Variants in VEPH1 observed in about 807,000 individuals in gnomAD.
VEPH1 encodes the protein ventricular zone-expressed PH domain-containing protein homolog 1.
VEPH1 carries 80 observed loss-of-function variants against 85.2 expected under a neutral mutation model. The ratio of observed to expected loss-of-function variants is 0.94; its 90% confidence interval spans 0.78 to 1.13. The LOEUF is 1.13. Among genes scored for constraint, VEPH1 ranks in the 50% most tolerant of loss-of-function variants. The pLI is 0.00. For synonymous variants in VEPH1, 297 were observed against 348.0 expected, an observed-to-expected ratio of 0.85 and a Z score of 1.63; for missense variants, 955 against 980.5, an observed-to-expected ratio of 0.97 and a Z score of 0.35.
intron 7 of VEPH1, among the ~76,000 whole-genome samples, chr3:157,379,845 G>A (rs915049077): frequency 6.6e-6 from 1 of 152,084 alleles, no homozygotes; most frequent in African/African-American, 2.4e-5. Context: ...TGTAACATTG[G>A]GAAGATATTT....
intron 11 of VEPH1, among the ~76,000 whole-genome samples, chr3:157,311,856 G>A (rs1357390045): frequency 6.6e-6 from 1 of 152,148 alleles, no homozygotes; most frequent in South Asian, 2.1e-4. Flanking sequence ...TGAATGAAAT[G>A]TACAAAGAAT....
intron 2 of VEPH1, among the ~76,000 whole-genome samples, chr3:157,481,466 A>ACACACACACACACACACACACACAC (rs60332684): frequency 2.1e-5 from 1 of 48,246 alleles, no homozygotes; most frequent in African/African-American, 1.1e-4. Flanking sequence ...ACACACACAC[A>ACACACACACACACACACACACACAC]AAAAAAAAAA....
At chr3:157,283,794 G>A (rs751959465) in intron 12 of VEPH1, among the ~76,000 whole-genome samples, 3 of 152,136 alleles carry the variant, frequency 2.0e-5, no homozygotes, top group Non-Finnish European at 4.4e-5. Context: ...ATATTGAAAC[G>A]TGAATACTTG....
intron 12 of VEPH1, among the ~76,000 whole-genome samples, chr3:157,280,216 A>G (rs922872613): frequency 3.3e-5 from 5 of 152,032 alleles, no homozygotes; most frequent in African/African-American, 9.7e-5. Flanking sequence ...CTTGAAATCA[A>G]TGTCATCTTA....
intron 2 of VEPH1, among the ~76,000 whole-genome samples, chr3:157,487,699 A>T (rs1192724878): frequency 6.6e-6 from 1 of 152,212 alleles, no homozygotes; most frequent in Admixed American, 6.5e-5. Context: ...TTTAAAATGC[A>T]TTAAAATAAA....
At chr3:157,285,499 C>T (rs1178719605) in intron 12 of VEPH1, among the ~76,000 whole-genome samples, 1 of 152,122 alleles carries the variant, frequency 6.6e-6, no homozygotes, top group East Asian at 1.9e-4. Context: ...TGCATAAAAT[C>T]CTAAAATTAA....
intron 9 of VEPH1, among the ~76,000 whole-genome samples, chr3:157,356,594 C>G (rs557485713): frequency 6.6e-6 from 1 of 152,268 alleles, no homozygotes; most frequent in East Asian, 1.9e-4. Flanking sequence ...TTTCCTCTGT[C>G]TTATCAAAAC....
Position 157,423,844 on chromosome 3 carries a change from T to C in VEPH1, c.696+4478A>G, listed in dbSNP as rs533738050. ...TTGTGGCTAATTATGCATATAACTATTCTTTCTTGCCTTTCTTTGAGTAAT... is the reference window on the plus strand; with the variant it reads ...TTGTGGCTAATTATGCATATAACTACTCTTTCTTGCCTTTCTTTGAGTAAT... On this transcript the variant is annotated intron_variant, in intron 5 of 13. Coordinates refer to ENST00000362010, the MANE Select transcript of VEPH1 (RefSeq NM_001167912.2). Among the ~76,000 whole-genome samples the C allele has an allele frequency of 2.6e-5, 4 of 152,364 alleles. No homozygotes were observed. The South Asian group carries it at 8.3e-4, about 32-fold the overall frequency.
chr3:157,344,708 G>C (rs1311446813), intron 9 of VEPH1, among the ~76,000 whole-genome samples: 1 of 152,116 alleles, frequency 6.6e-6, no homozygotes, highest in Non-Finnish European at 1.5e-5. Context: ...AAAAGAGCCC[G>C]CATTGCCAAG....
At chr3:157,300,357 G>C (rs1179243072) in intron 11 of VEPH1, among the ~76,000 whole-genome samples, 1 of 152,042 alleles carries the variant, frequency 6.6e-6, no homozygotes. Context: ...AAATTTCCTT[G>C]ACTGATGCAG....
chr3:157,442,063 G>T (rs1157374663), intron 4 of VEPH1, among the ~76,000 whole-genome samples: 2 of 152,156 alleles, frequency 1.3e-5, no homozygotes, highest in Non-Finnish European at 2.9e-5. Context: ...AAGAAAATAT[G>T]CAAATTGGAA....
At chr3:157,372,061 T>G (rs921984140) in intron 7 of VEPH1, among the ~76,000 whole-genome samples, 2 of 152,196 alleles carry the variant, frequency 1.3e-5, no homozygotes, top group Non-Finnish European at 2.9e-5. Flanking sequence ...TGTAAGGCAA[T>G]GTGCTCTTCT....
intron 2 of VEPH1, among the ~76,000 whole-genome samples, chr3:157,479,962 C>T (rs747612636): frequency 5.3e-5 from 8 of 152,096 alleles, no homozygotes; most frequent in Non-Finnish European, 8.8e-5. Flanking sequence ...CAGTGAGTTA[C>T]AAATTCTTTC....
chr3:157,287,937 G>T (rs902708760), intron 11 of VEPH1, among the ~76,000 whole-genome samples: 28 of 152,190 alleles, frequency 1.8e-4, no homozygotes, highest in African/African-American at 6.5e-4. Context: ...TCCTCCAAGT[G>T]GTTGAGTAGA....
intron 9 of VEPH1, among the ~76,000 whole-genome samples, chr3:157,361,447 G>T (rs1032246576): frequency 2.6e-5 from 4 of 152,182 alleles, no homozygotes; most frequent in Non-Finnish European, 5.9e-5. Flanking sequence ...GGAAAAAAGG[G>T]CTCTTCTAGT....
intron 4 of VEPH1, chr3:157,442,918 A>G: frequency 1.2e-6 from 2 of 1,614,060 alleles, no homozygotes; most frequent in African/African-American, 1.3e-5. Context: ...ATCCGGGGGA[A>G]TATTGTTGGG....
intron 5 of VEPH1, among the ~76,000 whole-genome samples, chr3:157,418,857 G>C (rs1732117966): frequency 6.6e-6 from 1 of 152,142 alleles, no homozygotes; most frequent in African/African-American, 2.4e-5. Context: ...AACCAAAGAA[G>C]AGCCCAAATA....
At chr3:157,404,139 T>C (rs1730979638) in intron 6 of VEPH1, among the ~76,000 whole-genome samples, 1 of 152,150 alleles carries the variant, frequency 6.6e-6, no homozygotes, top group Non-Finnish European at 1.5e-5. Context: ...TGCCATCTAC[T>C]AGTACAAGAC....
At chr3:157,305,065 T>TATCTATCTATCTATCTA (rs1719320788) in intron 11 of VEPH1, among the ~76,000 whole-genome samples, 1 of 149,800 alleles carries the variant, frequency 6.7e-6, no homozygotes, top group East Asian at 2.0e-4. Context: ...TCTATCTATC[T>TATCTATCTATCTATCTA]ATCTTCCTAT....
Sources: allele counts gnomAD v4.1 joint callset (sites outside exome capture counted in the v4.1 genomes callset), GRCh38; gene constraint gnomAD v4.1.1; transcripts MANE v1.5; gene names NCBI Gene and HGNC (gene_info 2026-07-23, HGNC 2026-07-21).